Variants in USH2A observed in about 807,000 individuals in gnomAD.
The protein encoded by USH2A is Usher syndrome 2A (autosomal recessive, mild).
Under a neutral mutation model 538.9 loss-of-function variants are expected in USH2A, and 443 were observed. That is an observed-to-expected ratio of 0.82 (90% CI 0.76 to 0.89). The LOEUF (loss-of-function observed/expected upper bound fraction) is 0.89, where lower values mean the gene tolerates loss of function less well. Ranked by LOEUF, USH2A falls within the 40% of genes least tolerant of loss-of-function variation. The probability of loss-of-function intolerance (pLI) is 0.00; values close to 1 mark genes in which losing one functional copy is unlikely to be tolerated. For synonymous variants in USH2A, 2,413 were observed against 2,273.5 expected (o/e 1.06, Z -1.75); for missense variants, 6,633 against 6,324.8 (o/e 1.05, Z -1.65).
At chr1:216,019,139 T>C (rs1371018190) in intron 32 of USH2A, among the ~76,000 whole-genome samples, 1 of 152,210 alleles carries the variant, frequency 6.6e-6, no homozygotes, top group South Asian at 2.1e-4. Context: ...TAGAAGAATA[T>C]ACAATACTTC....
At chr1:215,795,679 A>G (rs761314992) in intron 50 of USH2A, among the ~76,000 whole-genome samples, 1 of 152,168 alleles carries the variant, frequency 6.6e-6, no homozygotes, top group Non-Finnish European at 1.5e-5. Context: ...CCTTGGTTCT[A>G]TCTTTAATAG....
chr1:215,654,210 G>C lies in USH2A; in HGVS notation c.14134-3409C>G, dbSNP rs779666653. Among the ~76,000 whole-genome samples the C allele has an allele frequency of 2.6e-5, 4 of 151,972 alleles. No individual in the cohort carries two copies. The East Asian group carries it at 7.7e-4, about 29-fold the overall frequency. ...TTGTACTTTAAGTTCTAGTGTACAC[G>C]TGAACAACGTGCAGGTTTGTTACAT... On this transcript the variant is annotated intron_variant, in intron 64 of 71. Coordinates refer to ENST00000307340, the MANE Select transcript of USH2A (RefSeq NM_206933.4).
rs150153538 is a variant in USH2A at position 215,750,937 on chromosome 1, C to T, written c.11390-7602G>A. Among the ~76,000 whole-genome samples, 47 of 152,252 alleles carry T rather than the reference C, an allele frequency of 3.1e-4. No individual in the cohort carries two copies. The South Asian group carries it at 4.1e-3, about 13-fold the overall frequency. Reference sequence around the variant, plus strand: ...TATTAAAGCTCAGTAATGAAAGATACATTTTAAAATATCCAAAATAAAATA... The same window carrying T: ...TATTAAAGCTCAGTAATGAAAGATATATTTTAAAATATCCAAAATAAAATA... On this transcript the variant is annotated intron_variant, in intron 58 of 71. Transcript: ENST00000307340.
intron 3 of USH2A, among the ~76,000 whole-genome samples, chr1:216,390,179 G>T (rs115342015): frequency 1.3e-5 from 2 of 152,148 alleles, no homozygotes; most frequent in African/African-American, 4.8e-5. Flanking sequence ...ATATGGAAAT[G>T]TGTGAGGAAA....
chr1:215,818,223 G>A (rs1422882681), intron 47 of USH2A, among the ~76,000 whole-genome samples: 1 of 151,832 alleles, frequency 6.6e-6, no homozygotes, highest in Non-Finnish European at 1.5e-5. Context: ...GTGGGGATCA[G>A]CAGTCCTAAC....
intron 38 of USH2A, among the ~76,000 whole-genome samples, chr1:215,913,109 T>C (rs909310446): frequency 2.0e-5 from 3 of 152,160 alleles, no homozygotes; most frequent in African/African-American, 4.8e-5. Context: ...GTGATAAAAC[T>C]GTGCTGTCAT....
intron 32 of USH2A, among the ~76,000 whole-genome samples, chr1:216,035,946 A>T (rs564159119): frequency 6.6e-6 from 1 of 152,314 alleles, no homozygotes; most frequent in African/African-American, 2.4e-5. Context: ...TACTCCTTTG[A>T]AAATAAGTCA....
chr1:216,199,544 T>C, intron 17 of USH2A, 83 bp downstream of exon 17: 1 of 1,599,422 alleles, frequency 6.3e-7, no homozygotes, highest in Non-Finnish European at 8.6e-7. Flanking sequence ...GGAATACAAC[T>C]GCCAAATTCC....
intron 37 of USH2A, among the ~76,000 whole-genome samples, chr1:215,941,401 T>G (rs1211126962): frequency 6.6e-6 from 1 of 152,176 alleles, no homozygotes; most frequent in East Asian, 1.9e-4. Flanking sequence ...GGTCTATTTT[T>G]ACTAACCATA....
chr1:216,422,495 C>T lies in USH2A; in HGVS notation c.-159G>A. 9.8e-7 allele frequency: 1 copy of T among 1,018,560 alleles called. No individual in the cohort carries two copies. The highest frequency in any genetic ancestry group is 1.4e-6 in the Non-Finnish European group (1 of 701,778). The allele number at this position is 1,018,560 out of a possible 1,614,324, so 63.1% of individuals were successfully genotyped here. A position where few individuals can be genotyped will look rare whatever the true frequency, so the allele number is the denominator to read the frequency against. ...ACACGTTCTCAGAGTAAGGTAATAC[C>T]AACGACGTTCTTAGCAATGGCGAAG... On this transcript the variant is annotated 5_prime_UTR_variant, in exon 2 of 72. Coordinates refer to ENST00000307340, the MANE Select transcript of USH2A (RefSeq NM_206933.4).
At chr1:216,257,092 C>T (rs1043547609) in intron 11 of USH2A, among the ~76,000 whole-genome samples, 6 of 151,806 alleles carry the variant, frequency 4.0e-5, no homozygotes, top group East Asian at 1.9e-4. Flanking sequence ...AAATACCCTC[C>T]GTATTTACCA....
chr1:215,624,334 C>T lies in USH2A; in HGVS notation c.*1447G>A, dbSNP rs1655919137. ...GATGAAATCTCAATACCCAAAAAGT[C>T]CACAATCTTTTACTGTTGGGCCCTG... On this transcript the variant is annotated 3_prime_UTR_variant, in exon 72 of 72. Coordinates refer to ENST00000307340, the MANE Select transcript of USH2A (RefSeq NM_206933.4). The T allele has an allele frequency of 3.3e-5, 5 of 152,118 alleles. No homozygotes were observed. The South Asian group carries it at 1.0e-3, about 31-fold the overall frequency. The allele number at this position is 152,118 out of a possible 1,614,324, so 9.4% of individuals were successfully genotyped here.
chr1:216,226,692 T>C (rs1223881353), intron 14 of USH2A, among the ~76,000 whole-genome samples: 1 of 152,228 alleles, frequency 6.6e-6, no homozygotes, highest in Non-Finnish European at 1.5e-5. Flanking sequence ...ACTGGTTGCT[T>C]ATTAACCTGT....
chr1:216,156,259 CTTCT>C (rs1251620523), intron 21 of USH2A, among the ~76,000 whole-genome samples: 1 of 143,760 alleles, frequency 7.0e-6, no homozygotes, highest in Non-Finnish European at 1.5e-5. Flanking sequence ...CTTTACTTTC[CTTCT>C]TTCTTTTTCT....
chr1:215,947,749 CTTTA>C (rs753230719), intron 37 of USH2A, among the ~76,000 whole-genome samples: 2 of 152,082 alleles, frequency 1.3e-5, no homozygotes, highest in Admixed American at 6.5e-5. Context: ...ATAAAGGTAA[CTTTA>C]TTTATCTCCG....
At chr1:216,150,438 A>C (rs888051481) in intron 21 of USH2A, among the ~76,000 whole-genome samples, 10 of 2,154 alleles carry the variant, frequency 4.6e-3, no homozygotes, top group Non-Finnish European at 6.7e-3. Context: ...TGTCAACCTT[A>C]ACCCATTCTC....
chr1:216,324,093 C>A, intron 7 of USH2A, 75 bp downstream of exon 7: 1 of 1,514,344 alleles, frequency 6.6e-7, no homozygotes, highest in Non-Finnish European at 9.0e-7. Context: ...CTCCACCAGC[C>A]TAGAGAGCTA....
In USH2A at chr1:216,149,572, G is replaced by A. The variant is rs139691414; in HGVS notation, c.4627+25680C>T. Among the ~76,000 whole-genome samples, 739 of 152,040 alleles carry A rather than the reference G, an allele frequency of 4.9e-3. 3 individuals carry two copies. Among genetic ancestry groups the A allele is most frequent in the African/African-American group, 0.016 (674 of 41,456 alleles). Reference sequence around the variant, plus strand: ...AGAGCCTGTCCCCGAGATGCTACAGGGTACAGTCCATTTGAACTTTTATAT... The same window carrying A: ...AGAGCCTGTCCCCGAGATGCTACAGAGTACAGTCCATTTGAACTTTTATAT... On this transcript the variant is annotated intron_variant, in intron 21 of 71. Transcript: ENST00000307340.
chr1:215,955,508 A>G (rs1356923699), intron 37 of USH2A, among the ~76,000 whole-genome samples: 2 of 152,170 alleles, frequency 1.3e-5, no homozygotes, highest in Admixed American at 6.5e-5. Context: ...GAATGTCCAA[A>G]TAAACAAATA....
Sources: allele counts gnomAD v4.1 joint callset (sites outside exome capture counted in the v4.1 genomes callset), GRCh38; gene constraint gnomAD v4.1.1; transcripts MANE v1.5; gene names NCBI Gene and HGNC (gene_info 2026-07-23, HGNC 2026-07-21).